The following DEFB110 variants were observed in gnomAD, a reference collection of about 807,000 sequenced individuals.
The protein encoded by DEFB110 is defensin beta 110.
A neutral mutation model predicts 2.5 loss-of-function variants in DEFB110; 4 were observed. The ratio of observed to expected loss-of-function variants is 1.60; its 90% CI spans 0.79 to 3.66. DEFB110 has a LOEUF of 3.66. DEFB110 is among the 30% of genes most tolerant of loss of function. The pLI, the probability that DEFB110 is intolerant of heterozygous loss-of-function variation, is 0.01. For missense variants in DEFB110, 94 were observed against 75.4 expected (o/e 1.25, Z -0.91); for synonymous variants, 29 against 21.8 (o/e 1.33, Z -0.92).
Position 50,018,898 on chromosome 6 carries a change from G to T in DEFB110, c.*79C>A. The T allele has an allele frequency of 5.3e-6, 8 of 1,508,050 alleles. No homozygotes were observed. The highest frequency in any genetic ancestry group is 1.8e-4 in the Middle Eastern group (1 of 5,560). 93.4% of individuals were successfully genotyped at this position (1,508,050 alleles called of 1,614,324 possible). On this transcript the variant is annotated 3_prime_UTR_variant, in exon 2 of 2. Transcript: ENST00000371148. ...TCTTGTGTATTATAGAGACACACACGCCTTGAAGGATGTGCTGGGAAAACT... is the reference window on the plus strand; with the variant it reads ...TCTTGTGTATTATAGAGACACACACTCCTTGAAGGATGTGCTGGGAAAACT...
downstream of DEFB110, among the ~76,000 whole-genome samples, chr6:50,018,600 C>T (rs1774358165): frequency 6.6e-6 from 1 of 151,926 alleles, no homozygotes; most frequent in South Asian, 2.1e-4. Flanking sequence ...AATAACAGCG[C>T]ATTTCCACTG....
downstream of DEFB110, among the ~76,000 whole-genome samples, chr6:50,017,643 G>C (rs79146184): frequency 2.3e-3 from 355 of 151,904 alleles, 3 homozygotes; most frequent in East Asian, 6.2e-3. Context: ...TACTTTTGAA[G>C]ATATTTACAT....
downstream of DEFB110, among the ~76,000 whole-genome samples, chr6:50,014,483 T>A (rs1774282997): frequency 6.6e-6 from 1 of 151,778 alleles, no homozygotes; most frequent in African/African-American, 2.4e-5. Flanking sequence ...TAGAACCATA[T>A]AAGGTTGGTA....
downstream of DEFB110, among the ~76,000 whole-genome samples, chr6:50,015,024 C>G (rs1361844302): frequency 6.6e-6 from 1 of 151,796 alleles, no homozygotes; most frequent in African/African-American, 2.4e-5. Context: ...GATCAATCGT[C>G]CAACCAAAAT....
At chr6:50,014,885 A>G (rs952179802), downstream of DEFB110, among the ~76,000 whole-genome samples, 5 of 151,918 alleles carry the variant, frequency 3.3e-5, no homozygotes, top group Middle Eastern at 3.4e-3. Flanking sequence ...TAGTCCCTCA[A>G]TCTCTGCATT....
At position 50,011,155 on chromosome 6, in the gene DEFB110, C is replaced by A. The variant is rs114109151; in HGVS notation, c.56-1884G>T. ...CTTTGTATTGTTATGAAAATTGATACGTATCAATTTATAATACATATAGAT... is the reference window on the plus strand; with the variant it reads ...CTTTGTATTGTTATGAAAATTGATAAGTATCAATTTATAATACATATAGAT... On this transcript the variant is annotated intron_variant, in intron 1 of 1. Transcript: ENST00000393660. 8.8e-3 allele frequency among the ~76,000 whole-genome samples: 1,327 copies of A among 150,728 alleles called. 13 individuals carry two copies. Among genetic ancestry groups the A allele is most frequent in the African/African-American group, 0.028 (1,136 of 41,206 alleles).
At chr6:50,009,296 G>T in intron 1 of DEFB110, 1 of 1,580,608 alleles carries the variant, frequency 6.3e-7, no homozygotes. Flanking sequence ...AATATCTAAA[G>T]TTATTAGTCT....
intron 1 of DEFB110, among the ~76,000 whole-genome samples, chr6:50,010,645 T>C (rs937397764): frequency 6.6e-6 from 1 of 151,388 alleles, no homozygotes; most frequent in Non-Finnish European, 1.5e-5. Context: ...TTTTAGTGAA[T>C]GGTAAACTAA....
At chr6:50,012,818 G>C (rs907910998) in intron 1 of DEFB110, among the ~76,000 whole-genome samples, 1 of 151,690 alleles carries the variant, frequency 6.6e-6, no homozygotes, top group South Asian at 2.1e-4. Context: ...TGGGGACAAA[G>C]ATAAATAAAA....
intron 1 of DEFB110, among the ~76,000 whole-genome samples, chr6:50,011,234 C>G (rs375218123): frequency 1.3e-5 from 2 of 151,596 alleles, no homozygotes; most frequent in Non-Finnish European, 1.5e-5. Context: ...GTGTTGAATG[C>G]TATACAAATG....
At chr6:50,015,310 A>G (rs1278931122), downstream of DEFB110, among the ~76,000 whole-genome samples, 1 of 151,820 alleles carries the variant, frequency 6.6e-6, no homozygotes, top group Non-Finnish European at 1.5e-5. Context: ...CCTTTACAAT[A>G]TTCAAATTAT....
intron 1 of DEFB110, among the ~76,000 whole-genome samples, chr6:50,009,765 G>C (rs1056311118): frequency 2.0e-5 from 3 of 152,002 alleles, no homozygotes; most frequent in African/African-American, 7.2e-5. Flanking sequence ...GCAACTGATC[G>C]AGAAAACTCA....
downstream of DEFB110, among the ~76,000 whole-genome samples, chr6:50,017,755 T>A (rs1026151146): frequency 6.6e-6 from 1 of 151,888 alleles, no homozygotes; most frequent in Admixed American, 6.6e-5. Context: ...ATGCTTAGTA[T>A]AAGCATACTT....
rs1160641322 is a variant in DEFB110 at position 50,010,391 on chromosome 6, C to T, written c.56-1120G>A. Among the ~76,000 whole-genome samples the T allele has an allele frequency of 4.0e-5, 6 of 151,668 alleles. No individual in the cohort carries two copies. The East Asian group carries it at 1.2e-3, about 29-fold the overall frequency. ...CATTTATTTTAGTACCTAGTATTCA[C>T]CAGGCATTAGGTTCCGAAGCAGAGA... On this transcript the variant is annotated intron_variant, in intron 1 of 1. Coordinates refer to the DEFB110 transcript ENST00000393660.
chr6:50,020,118 G>C (rs762171540), intron 1 of DEFB110, among the ~76,000 whole-genome samples: 2 of 152,000 alleles, frequency 1.3e-5, no homozygotes, highest in Non-Finnish European at 2.9e-5. Context: ...ACATGTCCAG[G>C]AGAGCAAAAC....
downstream of DEFB110, among the ~76,000 whole-genome samples, chr6:50,014,756 C>T (rs1466182156): frequency 1.3e-5 from 2 of 151,662 alleles, no homozygotes; most frequent in Non-Finnish European, 3.0e-5. Flanking sequence ...ATTGAAGATT[C>T]CTGAGACTCT....
At chr6:50,020,441 C>CT (rs370189327) in intron 1 of DEFB110, among the ~76,000 whole-genome samples, 1,756 of 146,298 alleles carry the variant, frequency 0.012, 36 homozygotes, top group African/African-American at 0.039. Context: ...GTTTTGTAGC[C>CT]TTTTTTTTTT....
Position 50,009,141 on chromosome 6 carries a change from T to C in DEFB110, c.186A>G (p.Val62=), listed in dbSNP as rs374237289. 31 of 1,608,976 alleles carry C rather than the reference T, an allele frequency of 1.9e-5. No homozygotes were observed. The South Asian group carries it at 3.1e-4, about 16-fold the overall frequency. Reference sequence around the variant, plus strand: ...AATAGTACTTCTTTTCCAGAGTTTATACGCAGCACTGACTTCTCCATTTAA... The same window carrying C: ...AATAGTACTTCTTTTCCAGAGTTTACACGCAGCACTGACTTCTCCATTTAA... Residue 62 remains valine (V), a synonymous_variant, in exon 2 of 2, where the codon GTA becomes GTG. Coordinates refer to the DEFB110 transcript ENST00000393660.
intron 1 of DEFB110, among the ~76,000 whole-genome samples, chr6:50,009,942 C>T (rs969197382): frequency 6.6e-6 from 1 of 151,986 alleles, no homozygotes; most frequent in Admixed American, 6.6e-5. Context: ...GTTTTATATT[C>T]ATACATTAAA....
Sources: gnomAD v4.1 joint callset for allele counts (sites outside exome capture counted in the v4.1 genomes callset) on GRCh38, gnomAD v4.1.1 for gene constraint, MANE v1.5 for transcripts, NCBI Gene and HGNC (gene_info 2026-07-23, HGNC 2026-07-21) for gene names.